Variants in CNBD1 observed in about 807,000 individuals in gnomAD.
CNBD1 encodes the protein cyclic nucleotide-binding domain-containing protein 1.
Under a neutral mutation model 54.4 loss-of-function variants are expected in CNBD1, and 71 were observed. The observed-to-expected ratio is 1.30, with a 90% CI of 1.08 to 1.59. The LOEUF is 1.59. CNBD1 is among the 40% of genes most tolerant of loss of function. The pLI, the probability that CNBD1 is intolerant of heterozygous loss-of-function variation, is 0.00. For synonymous variants in CNBD1, 182 were observed against 170.7 expected, an observed-to-expected ratio of 1.07 and a Z score of -0.51; for missense variants, 659 against 518.0, an observed-to-expected ratio of 1.27 and a Z score of -2.64.
At position 87,050,082 on chromosome 8, in the gene CNBD1, G is replaced by A. The variant is rs1357431822; in HGVS notation, c.431+110328G>A. On this transcript the variant is annotated intron_variant, in intron 4 of 10. Coordinates refer to ENST00000518476, the MANE Select transcript of CNBD1 (RefSeq NM_173538.3). ...CTTTAGCTAGTTAAAGGATTTTTGG[G>A]CCTCAGATTCCCAGGTTAAGAGAGT... is the stretch of plus-strand genomic sequence containing the variant. 2.6e-5 allele frequency among the ~76,000 whole-genome samples: 4 copies of A among 152,264 alleles called. No homozygotes were observed. In the East Asian group the frequency reaches 7.7e-4, roughly 29 times the overall value.
chr8:86,931,475 C>T (rs975011374), intron 3 of CNBD1, among the ~76,000 whole-genome samples: 6 of 104,996 alleles, frequency 5.7e-5, no homozygotes, highest in African/African-American at 2.2e-4. Context: ...TTTCTCATTG[C>T]ACATTTTTTT....
chr8:87,396,845 C>T lies in CNBD1; in HGVS notation c.214-31701C>T, dbSNP rs193137810. Among the ~76,000 whole-genome samples, 393 of 148,004 alleles carry T rather than the reference C, an allele frequency of 2.7e-3. 3 individuals are homozygous for T. Among genetic ancestry groups the T allele is most frequent in the African/African-American group, 9.1e-3 (370 of 40,452 alleles). On this transcript the variant is annotated intron_variant, in intron 2 of 7. Coordinates refer to the CNBD1 transcript ENST00000521593. ...TTTAGAGCTATCATTCCCCTTCCCT[C>T]TTTGTGACTTCTTGGTTTTCTTTCT...
intron 7 of CNBD1, among the ~76,000 whole-genome samples, chr8:87,286,286 T>G (rs542858743): frequency 1.8e-4 from 28 of 152,320 alleles, no homozygotes; most frequent in African/African-American, 6.3e-4. Flanking sequence ...TTTAAAAACT[T>G]CTAAAACATT....
chr8:87,079,489 C>T (rs1810943860), intron 4 of CNBD1, among the ~76,000 whole-genome samples: 1 of 152,040 alleles, frequency 6.6e-6, no homozygotes, highest in Non-Finnish European at 1.5e-5. Context: ...TTAGTATTGT[C>T]AGTCTTTTTA....
intron 5 of CNBD1, among the ~76,000 whole-genome samples, 154 bp from the exon 6 acceptor site, chr8:87,236,765 C>A (rs1188811008): frequency 6.6e-6 from 1 of 152,024 alleles, no homozygotes; most frequent in Non-Finnish European, 1.5e-5. Context: ...CTTGAGTAAA[C>A]TATTTGAAAA....
intron 8 of CNBD1, among the ~76,000 whole-genome samples, chr8:87,330,498 G>C (rs1809801879): frequency 2.6e-5 from 4 of 151,698 alleles, no homozygotes; most frequent in Admixed American, 2.6e-4. Flanking sequence ...CTTTCAATTA[G>C]TTCAACATAT....
chr8:87,395,256 G>A (rs1586076802), intron 2 of CNBD1, among the ~76,000 whole-genome samples: 1 of 151,818 alleles, frequency 6.6e-6, no homozygotes, highest in Admixed American at 6.6e-5. Flanking sequence ...GAAATGTTAT[G>A]AGGATACATA....
chr8:87,054,683 G>C (rs1438278249), intron 4 of CNBD1, among the ~76,000 whole-genome samples: 1 of 152,166 alleles, frequency 6.6e-6, no homozygotes, highest in African/African-American at 2.4e-5. Flanking sequence ...ATACCCAGCA[G>C]GCTGTCAGGG....
intron 8 of CNBD1, among the ~76,000 whole-genome samples, chr8:87,349,495 C>A (rs1810239928): frequency 6.6e-6 from 1 of 152,122 alleles, no homozygotes; most frequent in African/African-American, 2.4e-5. Context: ...CCTGCCTCAG[C>A]CTTCCGATTA....
intron 4 of CNBD1, among the ~76,000 whole-genome samples, chr8:86,967,063 A>C (rs1396399142): frequency 6.6e-6 from 1 of 152,058 alleles, no homozygotes; most frequent in Non-Finnish European, 1.5e-5. Flanking sequence ...CTAGACAGAA[A>C]AGTTCTCCAA....
intron 1 of CNBD1, among the ~76,000 whole-genome samples, chr8:86,886,383 G>A (rs920917502): frequency 6.6e-6 from 1 of 151,888 alleles, no homozygotes; most frequent in Non-Finnish European, 1.5e-5. Flanking sequence ...GAGCAATGTG[G>A]GTAAGAAAAT....
rs1809538075 is a variant in CNBD1, at chr8:86,935,877, C to A, written c.273-3719C>A. 5.1e-5 allele frequency among the ~76,000 whole-genome samples: 7 copies of A among 137,864 alleles called. No homozygotes were observed. In the South Asian group the frequency reaches 1.4e-3, roughly 27 times the overall value. 90.4% of individuals were successfully genotyped at this position (137,864 alleles called of 152,430 possible). On this transcript the variant is annotated intron_variant, in intron 3 of 10. Coordinates refer to ENST00000518476, the MANE Select transcript of CNBD1 (RefSeq NM_173538.3). Reference sequence around the variant, plus strand: ...ATGCATTTGGGGCTGAGCATAGTGACTCATGCCTGTAATCCTAGCACTTTG... The same window carrying A: ...ATGCATTTGGGGCTGAGCATAGTGAATCATGCCTGTAATCCTAGCACTTTG...
intron 4 of CNBD1, among the ~76,000 whole-genome samples, chr8:87,092,709 A>AG (rs1331727943): frequency 1.3e-5 from 2 of 151,924 alleles, no homozygotes; most frequent in Non-Finnish European, 2.9e-5. Flanking sequence ...TTTAAAAAAA[A>AG]TTCTCTTCAG....
chr8:86,894,227 A>G (rs1000913276), intron 2 of CNBD1, among the ~76,000 whole-genome samples: 2 of 148,434 alleles, frequency 1.3e-5, no homozygotes, highest in African/African-American at 4.9e-5. Flanking sequence ...GCGCCCGGCT[A>G]ATTTTTTGTA....
intron 4 of CNBD1, among the ~76,000 whole-genome samples, chr8:87,123,224 C>T (rs2130717936): frequency 6.6e-6 from 1 of 151,838 alleles, no homozygotes; most frequent in Non-Finnish European, 1.5e-5. Flanking sequence ...CCATAATGTA[C>T]TTTCTTCTCA....
Position 87,364,542 on chromosome 8 carries a change from G to A in CNBD1, c.1303+10756G>A, listed in dbSNP as rs1367317748. 2.0e-5 allele frequency among the ~76,000 whole-genome samples: 3 copies of A among 151,584 alleles called. No homozygotes were observed. The South Asian group carries it at 6.3e-4, about 32-fold the overall frequency. ...AGTACATGTGCAAGTTTGTTATATA[G>A]GTAAACTCATGACTCAGTGGTTTAG... On this transcript the variant is annotated intron_variant, in intron 10 of 10. Transcript: ENST00000518476.
chr8:87,194,282 G>C (rs945466491), intron 4 of CNBD1, among the ~76,000 whole-genome samples: 1 of 152,152 alleles, frequency 6.6e-6, no homozygotes, highest in Non-Finnish European at 1.5e-5. Context: ...GCGATAAATT[G>C]ACACTTGAAA....
chr8:87,181,999 A>G (rs1339743451), intron 4 of CNBD1, among the ~76,000 whole-genome samples: 1 of 152,160 alleles, frequency 6.6e-6, no homozygotes, highest in Admixed American at 6.6e-5. Context: ...TCACCCAGGT[A>G]GTGAGCATAG....
At chr8:87,395,508 TTC>T (rs1457710396) in intron 2 of CNBD1, among the ~76,000 whole-genome samples, 1 of 151,918 alleles carries the variant, frequency 6.6e-6, no homozygotes, top group East Asian at 1.9e-4. Flanking sequence ...TAAAAAGTAG[TTC>T]TGAGTATAAT....
Sources: gnomAD v4.1 joint callset for allele counts (sites outside exome capture counted in the v4.1 genomes callset) on GRCh38, gnomAD v4.1.1 for gene constraint, MANE v1.5 for transcripts, NCBI Gene and HGNC (gene_info 2026-07-23, HGNC 2026-07-21) for gene names.